Variants in NRXN3 observed in about 807,000 individuals in gnomAD.
NRXN3 encodes the protein neurexin 3, also known as neurexin III.
A neutral mutation model predicts 137.6 loss-of-function variants in NRXN3; 32 were observed. The observed-to-expected ratio is 0.23, with a 90% CI of 0.18 to 0.31. NRXN3 has a LOEUF of 0.31. Ranked by LOEUF, NRXN3 falls within the 10% of genes least tolerant of loss-of-function variation. The pLI is 1.00. For synonymous variants in NRXN3, 798 were observed against 784.5 expected, an observed-to-expected ratio of 1.02 and a Z score of -0.29; for missense variants, 1,574 against 2,062.5, an observed-to-expected ratio of 0.76 and a Z score of 4.59.
At chr14:78,419,689 G>T (rs1182940742) in intron 4 of NRXN3, among the ~76,000 whole-genome samples, 1 of 152,140 alleles carries the variant, frequency 6.6e-6, no homozygotes, top group East Asian at 1.9e-4. Context: ...TCTGGTGATT[G>T]TGGACTTGAA....
intron 4 of NRXN3, among the ~76,000 whole-genome samples, chr14:78,492,133 T>C (rs1464095165): frequency 6.6e-6 from 1 of 152,160 alleles, no homozygotes; most frequent in Non-Finnish European, 1.5e-5. Flanking sequence ...ATAATAGATA[T>C]GACATACATT....
intron 6 of NRXN3, among the ~76,000 whole-genome samples, chr14:78,671,967 T>C (rs1243968281): frequency 6.6e-6 from 1 of 152,242 alleles, no homozygotes; most frequent in Non-Finnish European, 1.5e-5. Context: ...AACAGTGATA[T>C]GACAGGATTT....
intron 16 of NRXN3, among the ~76,000 whole-genome samples, chr14:79,605,157 T>C (rs1442374340): frequency 3.3e-5 from 5 of 152,194 alleles, no homozygotes; most frequent in Admixed American, 1.3e-4. Flanking sequence ...GAAGTGTCAT[T>C]AATAAGCCAT....
intron 1 of NRXN3, among the ~76,000 whole-genome samples, chr14:78,190,766 C>T (rs746212139): frequency 6.6e-5 from 10 of 152,190 alleles, no homozygotes; most frequent in South Asian, 2.1e-4. Flanking sequence ...CTCTGCCTCC[C>T]GGGTTCAGGT....
intron 16 of NRXN3, among the ~76,000 whole-genome samples, chr14:79,528,562 C>G (rs1171653860): frequency 6.6e-6 from 1 of 151,604 alleles, no homozygotes; most frequent in Admixed American, 6.6e-5. Context: ...TATGTATATA[C>G]AGTATATTCA....
chr14:79,733,409 A>G (rs182221167), intron 19 of NRXN3, among the ~76,000 whole-genome samples: 2 of 152,286 alleles, frequency 1.3e-5, no homozygotes, highest in Admixed American at 6.5e-5. Flanking sequence ...CCGTTTTAAT[A>G]ATGTTCTTTG....
rs577475062 is a variant in NRXN3, at chr14:78,188,187, T to A, written c.-704+17513T>A. On this transcript the variant is annotated intron_variant, in intron 1 of 20. Transcript: ENST00000335750. ...TGCAGGATTCAAGGTTTTTCCCCTA[T>A]AGGATACTTGTGTTTAGAAAAAGAT... Among the ~76,000 whole-genome samples, 207 of 152,254 alleles carry A rather than the reference T, an allele frequency of 1.4e-3. 1 individual carries two copies. Among genetic ancestry groups the A allele is most frequent in the African/African-American group, 4.8e-3 (200 of 41,534 alleles).
At chr14:78,656,216 G>A (rs1032846799) in intron 6 of NRXN3, among the ~76,000 whole-genome samples, 2 of 152,138 alleles carry the variant, frequency 1.3e-5, no homozygotes, top group Non-Finnish European at 2.9e-5. Flanking sequence ...GTGGGGAGAG[G>A]CAGACACACG....
At chr14:79,786,432 T>C (rs1251647604) in intron 19 of NRXN3, among the ~76,000 whole-genome samples, 1 of 152,210 alleles carries the variant, frequency 6.6e-6, no homozygotes, top group Non-Finnish European at 1.5e-5. Flanking sequence ...TGCCGAGCAA[T>C]TGGAAGCATA....
intron 16 of NRXN3, among the ~76,000 whole-genome samples, chr14:79,659,654 G>C (rs983336537): frequency 8.5e-5 from 13 of 152,082 alleles, no homozygotes; most frequent in African/African-American, 3.1e-4. Context: ...GTGAATGCCA[G>C]GTGCTTCACA....
At chr14:78,666,634 T>C (rs1335143591) in intron 6 of NRXN3, among the ~76,000 whole-genome samples, 2 of 152,124 alleles carry the variant, frequency 1.3e-5, no homozygotes, top group East Asian at 3.9e-4. Context: ...AACACAAAAT[T>C]CCCTTGGCAA....
At chr14:78,433,357 C>G (rs2093956794) in intron 4 of NRXN3, among the ~76,000 whole-genome samples, 1 of 152,092 alleles carries the variant, frequency 6.6e-6, no homozygotes, top group South Asian at 2.1e-4. Flanking sequence ...CTTTTAAAGG[C>G]TCATGTGATT....
chr14:78,704,327 T>C (rs1457455903), intron 6 of NRXN3, among the ~76,000 whole-genome samples: 1 of 152,034 alleles, frequency 6.6e-6, no homozygotes, highest in Non-Finnish European at 1.5e-5. Flanking sequence ...AGTACCAGAG[T>C]AGCCAGGGAA....
intron 16 of NRXN3, among the ~76,000 whole-genome samples, chr14:79,555,049 CTAATAGGTGA>C (rs2097415610): frequency 6.6e-6 from 1 of 152,082 alleles, no homozygotes; most frequent in South Asian, 2.1e-4. Context: ...ATTGGCAGTT[CTAATAGGTGA>C]ATCTCATCTC....
chr14:78,736,899 T>C (rs1180333830), intron 8 of NRXN3, among the ~76,000 whole-genome samples: 1 of 152,232 alleles, frequency 6.6e-6, no homozygotes, highest in Admixed American at 6.5e-5. Context: ...GTGTGTAGTG[T>C]AGGGAGGTCA....
intron 4 of NRXN3, among the ~76,000 whole-genome samples, chr14:78,519,126 A>C (rs79759157): frequency 0.013 from 1,995 of 152,286 alleles, 41 homozygotes; most frequent in African/African-American, 0.045. Context: ...GTAGATGAAT[A>C]ATAAAATCTT....
chr14:78,266,305 T>C (rs1476122828), intron 2 of NRXN3, among the ~76,000 whole-genome samples: 1 of 152,150 alleles, frequency 6.6e-6, no homozygotes, highest in East Asian at 1.9e-4. Flanking sequence ...TGTTTCTTTC[T>C]TTCTTTTTTT....
intron 4 of NRXN3, among the ~76,000 whole-genome samples, chr14:78,607,026 C>T (rs1219188689): frequency 6.6e-6 from 1 of 152,176 alleles, no homozygotes; most frequent in African/African-American, 2.4e-5. Flanking sequence ...TTCTGGCTGG[C>T]ATGCTCATAA....
intron 4 of NRXN3, among the ~76,000 whole-genome samples, chr14:78,456,865 CTT>C (rs1436113871): frequency 1.6e-4 from 22 of 133,940 alleles, no homozygotes; most frequent in Middle Eastern, 3.9e-3. Context: ...TTTTCTCTTT[CTT>C]TCTTTCTTTC....
Sources: gnomAD v4.1 joint callset for allele counts (sites outside exome capture counted in the v4.1 genomes callset) on GRCh38, gnomAD v4.1.1 for gene constraint, MANE v1.5 for transcripts, NCBI Gene and HGNC (gene_info 2026-07-23, HGNC 2026-07-21) for gene names.